S100PBP: variants seen among roughly 807,000 people sequenced by gnomAD.
The protein encoded by S100PBP is S100P binding protein.
Under a neutral mutation model 39.9 loss-of-function variants are expected in S100PBP, and 15 were observed. That is an observed-to-expected ratio of 0.38 (90% CI 0.25 to 0.58). The LOEUF is 0.58. S100PBP is among the 20% of genes least tolerant of loss of function. S100PBP has a pLI of 0.70. For synonymous variants in S100PBP, 178 were observed against 180.3 expected (o/e 0.99, Z 0.10); for missense variants, 504 against 487.3 (o/e 1.03, Z -0.32).
chr1:32,816,873 CT>C (rs1638754866), upstream of S100PBP: 1 of 543,650 alleles, frequency 1.8e-6, no homozygotes, highest in Non-Finnish European at 3.3e-6. Context: ...CTGGCAGGCC[CT>C]TGACGTATCC....
Position 32,856,029 on chromosome 1 carries a change from G to A in S100PBP, c.1218G>A (p.Ser406=), listed in dbSNP as rs753203633. The part of the protein sequence containing the change: ...HHRFQRLPDF[S]YS ...GGTTCCAGCGTCTCCCAGACTTCTC[G>A]TACAGTTAATTTGTGTCATCCCATC... The change falls in exon 7 of 7, where the codon TCG becomes TCA. Residue 406 remains serine (S), a synonymous_variant. Coordinates refer to ENST00000373475, the MANE Select transcript of S100PBP (RefSeq NM_022753.4). 59 of 1,610,012 alleles carry A rather than the reference G, an allele frequency of 3.7e-5. No homozygotes were observed. The highest frequency in any genetic ancestry group is 1.0e-4 in the Admixed American group (6 of 59,952).
chr1:32,848,440 C>T (rs114605698), intron 5 of S100PBP, among the ~76,000 whole-genome samples: 3 of 152,202 alleles, frequency 2.0e-5, no homozygotes, highest in African/African-American at 7.2e-5. Flanking sequence ...TAGAGCCCTG[C>T]ATGTGTACTG....
chr1:32,826,961 A>G, intron 3 of S100PBP, 31 bp downstream of exon 3: 1 of 1,424,866 alleles, frequency 7.0e-7, no homozygotes, highest in Non-Finnish European at 9.5e-7. Flanking sequence ...GTGAAGAGAA[A>G]AATGAAATTA....
At chr1:32,817,177 C>G (rs1296510587), upstream of S100PBP, 7 of 1,614,038 alleles carry the variant, frequency 4.3e-6, no homozygotes, top group Non-Finnish European at 5.9e-6. Flanking sequence ...TTTCCAACCC[C>G]CAGGCCTGAC....
At chr1:32,849,255 C>T (rs1640512447) in intron 5 of S100PBP, among the ~76,000 whole-genome samples, 1 of 151,982 alleles carries the variant, frequency 6.6e-6, no homozygotes, top group Admixed American at 6.6e-5. Flanking sequence ...GGTGATCCTC[C>T]CACCTCAGCC....
At chr1:32,817,562 G>A (rs1010086644), upstream of S100PBP, 13 of 534,216 alleles carry the variant, frequency 2.4e-5, no homozygotes, top group Admixed American at 1.9e-4. Flanking sequence ...ATCACTGCTG[G>A]TTTGCCCTCC....
rs544981592 is a variant in S100PBP, at chr1:32,831,137, C to T, written c.1024+1070C>T. Reference sequence around the variant, plus strand: ...TCTTCATTCATTCAGCAAACTTTCTCGAGTATTTCAGTCGTGGTAGTTTTG... The same window carrying T: ...TCTTCATTCATTCAGCAAACTTTCTTGAGTATTTCAGTCGTGGTAGTTTTG... On this transcript the variant is annotated intron_variant, in intron 5 of 6. Transcript: ENST00000373475. Among the ~76,000 whole-genome samples the T allele has an allele frequency of 5.3e-5, 8 of 151,582 alleles. No homozygotes were observed. The East Asian group carries it at 1.2e-3, about 22-fold the overall frequency.
intron 1 of S100PBP, among the ~76,000 whole-genome samples, chr1:32,823,492 A>T (rs565522197): frequency 6.6e-6 from 1 of 152,358 alleles, no homozygotes; most frequent in Admixed American, 6.5e-5. Flanking sequence ...ATACAACAAA[A>T]TGATTTCTTT....
Position 32,826,884 on chromosome 1 carries a change from C to G in S100PBP, c.785C>G (p.Ser262Ter). The change falls in exon 3 of 7, where the codon TCA becomes TGA. Residue 262 changes from serine (S) to a stop codon, truncating the protein, a stop_gained. Coordinates refer to ENST00000373475, the MANE Select transcript of S100PBP (RefSeq NM_022753.4). LOFTEE classifies it high-confidence loss of function. ...LSCRNGGSHKSSCEMRSLVVS... is the reference protein window; with the variant it reads ...LSCRNGGSHK ...TGCAGAAATGGTGGTTCACACAAGT[C>G]AAGTTGTGAAATGAGATCTCTGGTT... 6.2e-7 allele frequency: 1 copy of G among 1,606,424 alleles called. No homozygotes were observed. The highest frequency in any genetic ancestry group is 8.5e-7 in the Non-Finnish European group (1 of 1,177,556).
chr1:32,829,678 C>G (rs1420165802), intron 4 of S100PBP, among the ~76,000 whole-genome samples: 2 of 152,166 alleles, frequency 1.3e-5, no homozygotes, highest in African/African-American at 4.8e-5. Context: ...TGACTGGTCT[C>G]AAATTCCTAG....
At chr1:32,822,506 G>A (rs901560869) in intron 1 of S100PBP, among the ~76,000 whole-genome samples, 17 of 151,774 alleles carry the variant, frequency 1.1e-4, no homozygotes, top group Non-Finnish European at 2.4e-4. Context: ...CCAGCTACTC[G>A]GGAGGCTGAG....
intron 5 of S100PBP, among the ~76,000 whole-genome samples, chr1:32,843,506 G>T (rs564206635): frequency 2.0e-5 from 3 of 151,980 alleles, no homozygotes; most frequent in Non-Finnish European, 4.4e-5. Flanking sequence ...TGCCAGGCTG[G>T]AGTGCGATGG....
intron 5 of S100PBP, among the ~76,000 whole-genome samples, chr1:32,838,112 C>T (rs1411643343): frequency 6.6e-6 from 1 of 151,066 alleles, no homozygotes; most frequent in Non-Finnish European, 1.5e-5. Flanking sequence ...GAGGCCGAGG[C>T]GGGCGGATCA....
intron 6 of S100PBP, among the ~76,000 whole-genome samples, chr1:32,855,524 A>G (rs1051268385): frequency 6.6e-6 from 1 of 152,164 alleles, no homozygotes; most frequent in Admixed American, 6.5e-5. Context: ...GTGTCAGACA[A>G]TGAGGTCCTT....
chr1:32,849,887 CT>C (rs1459965371), intron 5 of S100PBP, among the ~76,000 whole-genome samples: 1 of 152,112 alleles, frequency 6.6e-6, no homozygotes, highest in Non-Finnish European at 1.5e-5. Flanking sequence ...GTTTTATATA[CT>C]TTTGTCTGTA....
intron 6 of S100PBP, among the ~76,000 whole-genome samples, chr1:32,855,243 T>A (rs2148702400): frequency 6.6e-6 from 1 of 152,308 alleles, no homozygotes; most frequent in African/African-American, 2.4e-5. Flanking sequence ...TCTGTATTTG[T>A]TTTTTCTTTT....
chr1:32,844,819 A>G (rs1268055128), intron 5 of S100PBP, among the ~76,000 whole-genome samples: 3 of 151,248 alleles, frequency 2.0e-5, no homozygotes, highest in Non-Finnish European at 2.9e-5. Context: ...ATATATCTCT[A>G]TATATCTATA....
intron 5 of S100PBP, among the ~76,000 whole-genome samples, chr1:32,842,252 C>T (rs1187715084): frequency 2.1e-5 from 3 of 141,770 alleles, no homozygotes; most frequent in Non-Finnish European, 4.6e-5. Flanking sequence ...CACACACACA[C>T]ACACACACAC....
chr1:32,829,961 A>G lies in S100PBP; in HGVS notation c.921-3A>G, dbSNP rs760264981. ...TTCTTTTTTCTGGTTTGCTTTATTC[A>G]AGGACTAATGTTCCGACGTTTTCAC... On this transcript the variant is annotated splice_polypyrimidine_tract_variant and splice_region_variant and intron_variant, in intron 4 of 6. Transcript: ENST00000373475. 3 of 1,610,152 alleles carry G rather than the reference A, an allele frequency of 1.9e-6. No homozygotes were observed. The highest frequency in any genetic ancestry group is 1.1e-5 in the South Asian group (1 of 90,954).
Sources: allele counts gnomAD v4.1 joint callset (sites outside exome capture counted in the v4.1 genomes callset), GRCh38; gene constraint gnomAD v4.1.1; transcripts MANE v1.5; gene names NCBI Gene and HGNC (gene_info 2026-07-23, HGNC 2026-07-21).